RORA: variants seen among roughly 807,000 people sequenced by gnomAD.
The protein encoded by RORA is RAR related orphan receptor A, also known as nuclear receptor ROR-alpha.
RORA carries 7 observed loss-of-function variants against 69.5 expected under a neutral mutation model. That is an observed-to-expected ratio of 0.10 (90% confidence interval 0.06 to 0.19). The LOEUF (loss-of-function observed/expected upper bound fraction) is 0.19. RORA is among the 10% of genes least tolerant of loss of function. The probability of loss-of-function intolerance (pLI) is 1.00; values close to 1 mark genes in which losing one functional copy is unlikely to be tolerated. For missense variants in RORA, 457 were observed against 663.0 expected (o/e 0.69, Z 3.41); for synonymous variants, 261 against 240.8 (o/e 1.08, Z -0.78).
At chr15:60,889,210 C>G (rs188013306) in intron 1 of RORA, among the ~76,000 whole-genome samples, 1 of 152,228 alleles carries the variant, frequency 6.6e-6, no homozygotes, top group African/African-American at 2.4e-5. Context: ...CTAGATTCTC[C>G]GGTGCTGTGC....
intron 1 of RORA, among the ~76,000 whole-genome samples, chr15:60,882,774 A>G (rs1415978566): frequency 2.6e-5 from 4 of 152,152 alleles, no homozygotes; most frequent in Non-Finnish European, 4.4e-5. Context: ...TGATACGTTC[A>G]GCCAAGATTT....
At chr15:61,189,236 T>C (rs1036466920) in intron 1 of RORA, among the ~76,000 whole-genome samples, 1 of 152,194 alleles carries the variant, frequency 6.6e-6, no homozygotes, top group Non-Finnish European at 1.5e-5. Context: ...ATAGACATTA[T>C]AAAAGATTTA....
rs74847085 is a variant in RORA, at chr15:61,052,714, A to G, written c.166+176339T>C. On this transcript the variant is annotated intron_variant, in intron 1 of 10. Coordinates refer to ENST00000335670, the MANE Select transcript of RORA (RefSeq NM_134261.3). ...GACTGTTTCTACTGTAAGTAATAGTATATTTCCATGCACTCTTGATTGGTA... is the reference window on the plus strand; with the variant it reads ...GACTGTTTCTACTGTAAGTAATAGTGTATTTCCATGCACTCTTGATTGGTA... Among the ~76,000 whole-genome samples the G allele has an allele frequency of 5.1e-3, 779 of 152,344 alleles. 7 individuals are homozygous for G. Among genetic ancestry groups the G allele is most frequent in the African/African-American group, 0.018 (741 of 41,578 alleles).
At chr15:61,163,807 C>T (rs2140886145) in intron 1 of RORA, among the ~76,000 whole-genome samples, 1 of 152,316 alleles carries the variant, frequency 6.6e-6, no homozygotes, top group Admixed American at 6.5e-5. Flanking sequence ...GCCTTTTACA[C>T]ACAAAGGACC....
chr15:60,911,435 G>A (rs1369429340), intron 1 of RORA, among the ~76,000 whole-genome samples: 3 of 152,044 alleles, frequency 2.0e-5, no homozygotes, highest in Admixed American at 6.5e-5. Flanking sequence ...CTTTACTGGC[G>A]GACAAAATAG....
intron 1 of RORA, among the ~76,000 whole-genome samples, chr15:60,697,679 G>A (rs1429591973): frequency 6.6e-6 from 1 of 151,860 alleles, no homozygotes; most frequent in Non-Finnish European, 1.5e-5. Context: ...CAATCAGGCC[G>A]GTTACTCAGT....
chr15:60,872,945 C>T (rs2073572902), intron 1 of RORA, among the ~76,000 whole-genome samples: 1 of 152,152 alleles, frequency 6.6e-6, no homozygotes, highest in Non-Finnish European at 1.5e-5. Context: ...ATATCTTCCT[C>T]ACCAGCGCAA....
At chr15:60,861,722 T>C (rs1012438581) in intron 1 of RORA, among the ~76,000 whole-genome samples, 9 of 152,220 alleles carry the variant, frequency 5.9e-5, no homozygotes, top group African/African-American at 2.2e-4. Context: ...CCCTCTAAAC[T>C]GCCTTCTTCC....
chr15:60,675,411 C>G (rs1209175496), intron 2 of RORA, among the ~76,000 whole-genome samples: 1 of 152,198 alleles, frequency 6.6e-6, no homozygotes, highest in African/African-American at 2.4e-5. Context: ...ATTAAAAACT[C>G]TCTTTTATGT....
chr15:61,111,910 T>G (rs890175151), intron 1 of RORA, among the ~76,000 whole-genome samples: 22 of 152,250 alleles, frequency 1.4e-4, no homozygotes, highest in African/African-American at 5.3e-4. Flanking sequence ...ATATTTATTG[T>G]GCTTTCATTT....
intron 2 of RORA, among the ~76,000 whole-genome samples, chr15:60,601,700 T>A (rs1267988362): frequency 6.6e-6 from 1 of 152,208 alleles, no homozygotes; most frequent in Admixed American, 6.5e-5. Context: ...TATAGCAGTT[T>A]GTTCACCTAC....
At chr15:60,815,141 G>A (rs1329876016) in intron 1 of RORA, among the ~76,000 whole-genome samples, 1 of 152,110 alleles carries the variant, frequency 6.6e-6, no homozygotes, top group Non-Finnish European at 1.5e-5. Flanking sequence ...CACCCAACTT[G>A]TGGAGGAGTG....
At chr15:60,824,935 A>T (rs1412370421) in intron 1 of RORA, among the ~76,000 whole-genome samples, 1 of 152,248 alleles carries the variant, frequency 6.6e-6, no homozygotes, top group African/African-American at 2.4e-5. Flanking sequence ...CAGTGACTTC[A>T]TAATGGAATA....
chr15:60,996,968 A>T (rs1460626735), intron 1 of RORA, among the ~76,000 whole-genome samples: 1 of 152,022 alleles, frequency 6.6e-6, no homozygotes, highest in Non-Finnish European at 1.5e-5. Context: ...ATCCTCAAAT[A>T]CATTTTAGGA....
chr15:60,616,456 G>T (rs2069246916), intron 2 of RORA, among the ~76,000 whole-genome samples: 1 of 152,112 alleles, frequency 6.6e-6, no homozygotes, highest in East Asian at 1.9e-4. Context: ...ATTTTGATTT[G>T]TTTGTTGTTT....
At chr15:60,887,139 GCT>G in intron 1 of RORA, among the ~76,000 whole-genome samples, 1 of 115,028 alleles carries the variant, frequency 8.7e-6, no homozygotes, top group East Asian at 2.9e-4. Flanking sequence ...CTTTGCCAGA[GCT>G]GAGAGAGAGA....
intron 2 of RORA, among the ~76,000 whole-genome samples, chr15:60,658,923 C>G (rs1299541487): frequency 6.6e-6 from 1 of 152,178 alleles, no homozygotes; most frequent in Non-Finnish European, 1.5e-5. Flanking sequence ...CTTGTGGAAT[C>G]AGCTGGCCAA....
In RORA at chr15:60,781,033, C is replaced by T. The variant is rs118085607; in HGVS notation, c.167-102347G>A. On this transcript the variant is annotated intron_variant, in intron 1 of 10. Coordinates refer to ENST00000335670, the MANE Select transcript of RORA (RefSeq NM_134261.3). ...AGATGGGGAACTAAGACTTAGAGGA[C>T]TTCAGTAACTTCTTGAAGGTAACAA... is the stretch of plus-strand genomic sequence containing the variant. Among the ~76,000 whole-genome samples, 14 of 152,316 alleles carry T rather than the reference C, an allele frequency of 9.2e-5. No individual in the cohort carries two copies. In the East Asian group the frequency reaches 2.7e-3, roughly 29 times the overall value.
chr15:60,544,420 T>C (rs199694100), intron 2 of RORA, among the ~76,000 whole-genome samples: 2 of 43,024 alleles, frequency 4.6e-5, no homozygotes, highest in Non-Finnish European at 8.9e-5. Flanking sequence ...AGAATAAAAG[T>C]TCTGGCAGCT....
Sources: gnomAD v4.1 joint callset for allele counts (sites outside exome capture counted in the v4.1 genomes callset) on GRCh38, gnomAD v4.1.1 for gene constraint, MANE v1.5 for transcripts, NCBI Gene and HGNC (gene_info 2026-07-23, HGNC 2026-07-21) for gene names.